The following DYNC2H1 variants were observed in gnomAD, a reference collection of about 807,000 sequenced individuals.
DYNC2H1 encodes cytoplasmic dynein 2 heavy chain 1.
Under a neutral mutation model 570.0 loss-of-function variants are expected in DYNC2H1, and 410 were observed. The observed-to-expected ratio is 0.72, with a 90% CI of 0.66 to 0.78. DYNC2H1 has a LOEUF of 0.78. Among genes scored for constraint, DYNC2H1 ranks in the 30% least tolerant of loss-of-function variants. The pLI is 0.00. For synonymous variants in DYNC2H1, 1,688 were observed against 1,677.6 expected, an observed-to-expected ratio of 1.01 and a Z score of -0.15; for missense variants, 4,865 against 5,046.4, an observed-to-expected ratio of 0.96 and a Z score of 1.09.
At chr11:103,381,429 T>C (rs953819248) in intron 83 of DYNC2H1, among the ~76,000 whole-genome samples, 1 of 150,642 alleles carries the variant, frequency 6.6e-6, no homozygotes, top group Non-Finnish European at 1.5e-5. Flanking sequence ...ATTCAATATC[T>C]TTTATTTATT....
At chr11:103,219,265 G>A (rs1225108547) in intron 55 of DYNC2H1, among the ~76,000 whole-genome samples, 1 of 152,138 alleles carries the variant, frequency 6.6e-6, no homozygotes, top group East Asian at 1.9e-4. Flanking sequence ...TATATACAAA[G>A]ATGTTCAACC....
intron 77 of DYNC2H1, 82 bp from the exon 78 acceptor site, chr11:103,307,639 A>G: frequency 7.6e-6 from 5 of 655,510 alleles, no homozygotes; most frequent in Non-Finnish European, 1.0e-5. Context: ...TTTTAATTAA[A>G]AATAGTTACT....
chr11:103,454,157 A>C (rs565291219), intron 85 of DYNC2H1, among the ~76,000 whole-genome samples: 1 of 152,214 alleles, frequency 6.6e-6, no homozygotes, highest in South Asian at 2.1e-4. Context: ...TGCTTGGGTA[A>C]ATAATAGGGT....
At position 103,154,432 on chromosome 11, in the gene DYNC2H1, T is replaced by G. The variant is rs756353541; in HGVS notation, c.3303-19T>G. On this transcript the variant is annotated intron_variant, in intron 22 of 88. Coordinates refer to ENST00000375735, the MANE Select transcript of DYNC2H1 (RefSeq NM_001377.3). Reference sequence around the variant, plus strand: ...ATTTCTGTTTTTAAAATTTAATATTTCAATATTTGTTTCTATAGTGATGAT... The same window carrying G: ...ATTTCTGTTTTTAAAATTTAATATTGCAATATTTGTTTCTATAGTGATGAT... The G allele has an allele frequency of 6.6e-7, 1 of 1,503,844 alleles. No homozygotes were observed. Among genetic ancestry groups the G allele is most frequent in the South Asian group, 1.4e-5 (1 of 73,812 alleles). 93.2% of individuals were successfully genotyped at this position (1,503,844 alleles called of 1,614,324 possible).
intron 32 of DYNC2H1, among the ~76,000 whole-genome samples, chr11:103,169,614 C>CT (rs1305513464): frequency 6.6e-6 from 1 of 152,060 alleles, no homozygotes; most frequent in East Asian, 1.9e-4. Context: ...GAATGGGAGT[C>CT]TGTTTTCCCT....
chr11:103,153,458 A>G lies in DYNC2H1; in HGVS notation c.3252A>G (p.Lys1084=). The change falls in exon 22 of 89, where the codon AAA becomes AAG. Residue 1084 remains lysine, a synonymous_variant. Transcript: ENST00000375735. ...TTGATAAAAGTGCAAAGTTAATAAAAGAGAAAAAAATTGAGTTTGATGATC... is the reference window on the plus strand; with the variant it reads ...TTGATAAAAGTGCAAAGTTAATAAAGGAGAAAAAAATTGAGTTTGATGATC... The part of the protein sequence containing the change: ...NTLDKSAKLI[K]EKKIEFDDLE... The G allele has an allele frequency of 6.4e-7, 1 of 1,568,626 alleles. No individual in the cohort carries two copies. Among genetic ancestry groups the G allele is most frequent in the Non-Finnish European group, 8.6e-7 (1 of 1,158,270 alleles).
chr11:103,379,360 A>G (rs11225755), intron 83 of DYNC2H1, among the ~76,000 whole-genome samples: 8,066 of 152,258 alleles, frequency 0.053, 262 homozygotes, highest in Non-Finnish European at 0.077. Context: ...TTGAGTATAA[A>G]CCAGGGTAAC....
chr11:103,255,342 C>G (rs1353385444), intron 66 of DYNC2H1, 73 bp from the exon 67 acceptor site: 1 of 1,467,670 alleles, frequency 6.8e-7, no homozygotes, highest in African/African-American at 1.4e-5. Flanking sequence ...AAACACAAGG[C>G]CTGTTTGCAG....
Position 103,181,229 on chromosome 11 carries a change from GAA to G in DYNC2H1, c.6348-524_6348-523del, listed in dbSNP as rs1282615379. Among the ~76,000 whole-genome samples, 1 of 151,528 alleles carries G rather than the reference GAA, an allele frequency of 6.6e-6. No homozygotes were observed. Among genetic ancestry groups the G allele is most frequent in the African/African-American group, 2.4e-5 (1 of 41,358 alleles). On this transcript the variant is annotated intron_variant, in intron 39 of 88. Transcript: ENST00000375735. This position sits in a 1 kb window ranked among gnomAD's most constrained non-coding sequence, Gnocchi z 5.0. ...GGTAGTTGGATTTTTATAGGATAGA[GAA>G]AAAGTGTTTCTAAAGATCTGTATTA...
At chr11:103,136,528 A>T (rs911427617) in intron 17 of DYNC2H1, among the ~76,000 whole-genome samples, 36 of 152,046 alleles carry the variant, frequency 2.4e-4, no homozygotes, top group Admixed American at 5.2e-4. Flanking sequence ...TTCCAATTTC[A>T]TCCATGTCCC....
chr11:103,168,328 G>T lies in DYNC2H1; in HGVS notation c.4763-427G>T, dbSNP rs184906069. On this transcript the variant is annotated intron_variant, in intron 31 of 88. Transcript: ENST00000375735. Reference sequence around the variant, plus strand: ...GGTATGGCCCTAGCGTTGCCAGAAGGGGGGAAAAATACAATGGTAAATCCA... The same window carrying T: ...GGTATGGCCCTAGCGTTGCCAGAAGTGGGGAAAAATACAATGGTAAATCCA... Among the ~76,000 whole-genome samples, 6 of 152,280 alleles carry T rather than the reference G, an allele frequency of 3.9e-5. No homozygotes were observed. In the South Asian group the frequency reaches 8.3e-4, roughly 21 times the overall value.
chr11:103,311,726 T>G (rs1867596874), intron 78 of DYNC2H1, among the ~76,000 whole-genome samples, 152 bp from the exon 79 acceptor site: 1 of 152,198 alleles, frequency 6.6e-6, no homozygotes, highest in African/African-American at 2.4e-5. Context: ...TAACACTAGT[T>G]TTATGTACAT....
Position 103,435,972 on chromosome 11 carries a change from A to G in DYNC2H1, c.12396A>G (p.Glu4132=). Residue 4132 remains glutamate, a synonymous_variant, in exon 85 of 89, where the codon GAA becomes GAG. Transcript: ENST00000375735. ...KCPLAWQSKW[E]GPEDPLQYLR... is the part of the protein sequence containing the mutation. ...CTCTCGCATGGCAGAGCAAGTGGGA[A>G]GGCCCAGAAGATCCCTTACAATACC... 6.2e-7 allele frequency: 1 copy of G among 1,612,696 alleles called. No homozygotes were observed. The highest frequency in any genetic ancestry group is 8.5e-7 in the Non-Finnish European group (1 of 1,179,116).
intron 46 of DYNC2H1, 44 bp downstream of exon 46, chr11:103,191,663 C>T (rs749501298): frequency 1.3e-5 from 13 of 978,226 alleles, no homozygotes; most frequent in South Asian, 5.1e-5. Flanking sequence ...TGTGTGTGTG[C>T]ACATTTATTC....
In DYNC2H1 at chr11:103,369,659, G is replaced by A. The variant is rs910647288; in HGVS notation, c.12156+11300G>A. Among the ~76,000 whole-genome samples the A allele has an allele frequency of 7.2e-5, 11 of 152,172 alleles. No homozygotes were observed. Among genetic ancestry groups the A allele is most frequent in the African/African-American group, 2.2e-4 (9 of 41,436 alleles). ...AGGATAGGGAACCAGTCAAAGTTGTGAGCCCTTTTTCTAGGCCCTAGCTCC... is the reference window on the plus strand; with the variant it reads ...AGGATAGGGAACCAGTCAAAGTTGTAAGCCCTTTTTCTAGGCCCTAGCTCC... On this transcript the variant is annotated intron_variant, in intron 83 of 88. Transcript: ENST00000375735. This position sits in a 1 kb window ranked among gnomAD's most constrained non-coding sequence, Gnocchi z 4.0.
chr11:103,184,833 G>A (rs1458574295), intron 40 of DYNC2H1, 63 bp from the exon 41 acceptor site: 18 of 1,579,412 alleles, frequency 1.1e-5, no homozygotes, highest in Non-Finnish European at 1.6e-5. Context: ...AGTCTGTATG[G>A]TTCTATGTTT....
intron 40 of DYNC2H1, among the ~76,000 whole-genome samples, chr11:103,182,951 G>T (rs1861912593): frequency 6.6e-6 from 1 of 151,848 alleles, no homozygotes; most frequent in South Asian, 2.1e-4. Context: ...AGTGAGGTGG[G>T]TTTTCCTGGA....
At chr11:103,247,685 A>T (rs1012181622) in intron 65 of DYNC2H1, among the ~76,000 whole-genome samples, 2 of 152,036 alleles carry the variant, frequency 1.3e-5, no homozygotes, top group African/African-American at 4.8e-5. Context: ...CTAGTTCACT[A>T]GTTCCAACCC....
chr11:103,150,241 A>G (rs1285685867), intron 20 of DYNC2H1, among the ~76,000 whole-genome samples: 2 of 152,204 alleles, frequency 1.3e-5, no homozygotes, highest in Non-Finnish European at 2.9e-5. Context: ...GAGTGACACA[A>G]TGTCTCTGAC....
Sources: allele counts gnomAD v4.1 joint callset (sites outside exome capture counted in the v4.1 genomes callset), GRCh38; gene constraint gnomAD v4.1.1; non-coding constraint Gnocchi (gnomAD v3.1); transcripts MANE v1.5; gene names NCBI Gene and HGNC (gene_info 2026-07-23, HGNC 2026-07-21).